The following RPRD1A variants were observed in gnomAD, a reference collection of about 807,000 sequenced individuals.
RPRD1A encodes the protein regulation of nuclear pre-mRNA domain containing 1A, also known as regulation of nuclear pre-mRNA domain-containing protein 1A.
Under a neutral mutation model 37.8 loss-of-function variants are expected in RPRD1A, and 9 were observed. The ratio of observed to expected loss-of-function variants is 0.24; its 90% CI spans 0.14 to 0.42. RPRD1A has a LOEUF of 0.42. Among genes scored for constraint, RPRD1A ranks in the 10% least tolerant of loss-of-function variants. The pLI, the probability that RPRD1A is intolerant of heterozygous loss-of-function variation, is 1.00. For synonymous variants in RPRD1A, 138 were observed against 139.7 expected, an observed-to-expected ratio of 0.99 and a Z score of 0.08; for missense variants, 255 against 371.0, an observed-to-expected ratio of 0.69 and a Z score of 2.57.
intron 1 of RPRD1A, among the ~76,000 whole-genome samples, chr18:36,061,135 T>C (rs777507139): frequency 1.8e-4 from 27 of 152,294 alleles, no homozygotes; most frequent in Non-Finnish European, 3.8e-4. Flanking sequence ...AGGTCTTTTA[T>C]TAAACGTCAC....
chr18:35,995,782 T>A (rs1324218781), intron 6 of RPRD1A, among the ~76,000 whole-genome samples: 1 of 152,178 alleles, frequency 6.6e-6, no homozygotes, highest in Non-Finnish European at 1.5e-5. Flanking sequence ...ACCTAAGCCA[T>A]GTGATAAAGG....
At chr18:36,033,919 T>C in intron 1 of RPRD1A, 82 bp from the exon 2 acceptor site, 2 of 1,224,662 alleles carry the variant, frequency 1.6e-6, no homozygotes, top group Non-Finnish European at 2.3e-6. Context: ...TTAAGCATTT[T>C]GAGAACTAAA....
At chr18:36,008,577 G>GTGTATATATATATATATATA in intron 6 of RPRD1A, among the ~76,000 whole-genome samples, 12 of 47,800 alleles carry the variant, frequency 2.5e-4, no homozygotes, top group African/African-American at 8.1e-4. Context: ...CCTTGTGTGT[G>GTGTATATATATATATATATA]TATATATATA....
chr18:36,019,265 G>A (rs951732156), intron 6 of RPRD1A, among the ~76,000 whole-genome samples: 21 of 151,880 alleles, frequency 1.4e-4, no homozygotes, highest in Admixed American at 9.8e-4. Flanking sequence ...CCACCACCAC[G>A]CCTGGCTAAT....
chr18:36,052,409 T>C (rs1175978111), intron 1 of RPRD1A, among the ~76,000 whole-genome samples: 2 of 151,732 alleles, frequency 1.3e-5, no homozygotes, highest in Admixed American at 6.6e-5. Context: ...TAAAAGCCAA[T>C]ATTGTTGTAT....
intron 6 of RPRD1A, among the ~76,000 whole-genome samples, chr18:35,998,361 TA>T (rs528598600): frequency 1.6e-4 from 21 of 133,222 alleles, no homozygotes; most frequent in South Asian, 2.4e-4. Flanking sequence ...TCTCAAAAAC[TA>T]AAAAAAAAAA....
At chr18:36,023,026 T>C (rs1053235614) in intron 6 of RPRD1A, among the ~76,000 whole-genome samples, 1 of 152,212 alleles carries the variant, frequency 6.6e-6, no homozygotes, top group Admixed American at 6.5e-5. Context: ...CTGATGAAGA[T>C]GTACAATGTG....
intron 1 of RPRD1A, among the ~76,000 whole-genome samples, chr18:36,053,765 A>G (rs1288008648): frequency 6.6e-6 from 1 of 152,208 alleles, no homozygotes; most frequent in Non-Finnish European, 1.5e-5. Context: ...GATTAGACAC[A>G]AGGAGATCCG....
intron 1 of RPRD1A, among the ~76,000 whole-genome samples, chr18:36,044,679 CTCAG>C (rs1424539446): frequency 1.3e-5 from 2 of 151,926 alleles, no homozygotes; most frequent in African/African-American, 4.8e-5. Context: ...CAGAGCGAGA[CTCAG>C]TATCAAAAAA....
chr18:36,008,771 C>G (rs1393600303), intron 6 of RPRD1A, among the ~76,000 whole-genome samples: 2 of 151,260 alleles, frequency 1.3e-5, no homozygotes, highest in Non-Finnish European at 2.9e-5. Context: ...AAGTTTAAAC[C>G]ACATCAGCAC....
intron 6 of RPRD1A, among the ~76,000 whole-genome samples, chr18:36,008,843 A>C (rs547383809): frequency 6.6e-6 from 1 of 151,834 alleles, no homozygotes; most frequent in African/African-American, 2.4e-5. Context: ...CTCATTTCAC[A>C]GCCATTATGG....
At chr18:36,026,134 A>G (rs1428265858) in intron 6 of RPRD1A, 1 of 153,744 alleles carries the variant, frequency 6.5e-6, no homozygotes, top group Non-Finnish European at 1.4e-5. Flanking sequence ...TTAATGGGGT[A>G]GTACCATGAC....
rs538754448 is a variant in RPRD1A, at chr18:36,037,930, G to C, written c.152-4093C>G. ...GGGTATCTGGTGGAAGAAATTTCTA[G>C]CCAGCAAAGCATTAAAGTGACTTGG... On this transcript the variant is annotated intron_variant, in intron 1 of 6. Transcript: ENST00000399022. Among the ~76,000 whole-genome samples the C allele has an allele frequency of 2.0e-5, 3 of 152,292 alleles. No homozygotes were observed. The South Asian group carries it at 6.2e-4, about 32-fold the overall frequency.
chr18:36,023,358 G>A (rs761444636), intron 6 of RPRD1A, among the ~76,000 whole-genome samples: 6 of 152,202 alleles, frequency 3.9e-5, no homozygotes, highest in Non-Finnish European at 7.3e-5. Flanking sequence ...TAGATCTGCT[G>A]CAAATAGCAA....
intron 2 of RPRD1A, among the ~76,000 whole-genome samples, chr18:36,033,257 G>A (rs755001279): frequency 5.5e-5 from 7 of 127,024 alleles, no homozygotes; most frequent in Admixed American, 3.0e-4. Flanking sequence ...AGCCAAGATC[G>A]CACCACTGTA....
rs1220017685 is a variant in RPRD1A at position 35,991,121 on chromosome 18, T to A, written c.*2030A>T. On this transcript the variant is annotated 3_prime_UTR_variant, in exon 7 of 7. Transcript: ENST00000399022. ...CAACAAACTTCTAAAAGATTTCAAA[T>A]CTTCCCAGGAGTACATAGTTTATAA... 6.6e-6 allele frequency: 1 copy of A among 152,196 alleles called. No individual in the cohort carries two copies. The highest frequency in any genetic ancestry group is 2.4e-5 in the African/African-American group (1 of 41,444). 9.4% of individuals were successfully genotyped at this position (152,196 alleles called of 1,614,324 possible). A position where few individuals can be genotyped will look rare whatever the true frequency, so the allele number is the denominator to read the frequency against.
chr18:36,018,295 A>G lies in RPRD1A; in HGVS notation c.789+8605T>C, dbSNP rs976653904. ...ACACTTTTTTTTTTTTTTTTTAAAG[A>G]AGGAGTCTCGCTCTGTCGCCCAGGC... On this transcript the variant is annotated intron_variant, in intron 6 of 6. Coordinates refer to ENST00000399022, the MANE Select transcript of RPRD1A (RefSeq NM_018170.5). Among the ~76,000 whole-genome samples the G allele has an allele frequency of 8.8e-5, 13 of 147,224 alleles. No homozygotes were observed. In the South Asian group the frequency reaches 1.5e-3, roughly 17 times the overall value.
rs766436473 is a variant in RPRD1A, at chr18:36,040,781, G to A, written c.152-6944C>T. On this transcript the variant is annotated intron_variant, in intron 1 of 6. Coordinates refer to ENST00000399022, the MANE Select transcript of RPRD1A (RefSeq NM_018170.5). ...TTTTTAGGCAAGTGGTACTTACATA[G>A]AAGAAAAGTGTTTTTATTCACTTAC... The A allele has an allele frequency of 9.2e-6, 13 of 1,410,324 alleles. No individual in the cohort carries two copies. In the South Asian group the frequency reaches 1.4e-4, roughly 15 times the overall value. The allele number at this position is 1,410,324 out of a possible 1,614,324, so 87.4% of individuals were successfully genotyped here.
chr18:36,043,874 G>A (rs895959349), intron 1 of RPRD1A, among the ~76,000 whole-genome samples: 5 of 152,060 alleles, frequency 3.3e-5, no homozygotes, highest in African/African-American at 9.7e-5. Context: ...GGGGTCCAAC[G>A]CCCTGTGCAG....
Sources: gnomAD v4.1 joint callset for allele counts (sites outside exome capture counted in the v4.1 genomes callset) on GRCh38, gnomAD v4.1.1 for gene constraint, MANE v1.5 for transcripts, NCBI Gene and HGNC (gene_info 2026-07-23, HGNC 2026-07-21) for gene names.